The following ODAD1 variants were observed in gnomAD, a reference collection of about 807,000 sequenced individuals.
The protein encoded by ODAD1 is outer dynein arm-docking complex subunit 1.
In ODAD1, 49 loss-of-function variants were observed where a neutral mutation model predicts 67.2. That is an observed-to-expected ratio of 0.73 (90% CI 0.58 to 0.92). The LOEUF is 0.92. Ranked by LOEUF, ODAD1 falls within the 40% of genes least tolerant of loss-of-function variation. The probability of loss-of-function intolerance (pLI) is 0.00; values close to 1 mark genes in which losing one functional copy is unlikely to be tolerated. For missense variants in ODAD1, 897 were observed against 953.7 expected, an observed-to-expected ratio of 0.94 and a Z score of 0.78; for synonymous variants, 345 against 393.7, an observed-to-expected ratio of 0.88 and a Z score of 1.46.
rs1291428185 is a variant in ODAD1 at position 48,313,448 on chromosome 19, C to CAAAAA, written c.361-1337_361-1333dup. On this transcript the variant is annotated intron_variant, in intron 5 of 15. Coordinates refer to ENST00000674294, the MANE Select transcript of ODAD1 (RefSeq NM_001364171.2). ...TCTCAAAAAAAAAAAAAAAAAAAAC[C>CAAAAA]AAAAAAAAACCTCACATGTTGAAGT... Among the ~76,000 whole-genome samples, 607 of 86,880 alleles carry CAAAAA rather than the reference C, an allele frequency of 7.0e-3. 60 individuals carry two copies. The highest frequency in any genetic ancestry group is 0.025 in the African/African-American group (482 of 19,462). The allele number at this position is 86,880 out of a possible 152,430, so 57.0% of individuals were successfully genotyped here. A position where few individuals can be genotyped will look rare whatever the true frequency, so the allele number is the denominator to read the frequency against.
At chr19:48,316,862 G>C (rs578179433) in intron 5 of ODAD1, among the ~76,000 whole-genome samples, 1 of 152,184 alleles carries the variant, frequency 6.6e-6, no homozygotes, top group Non-Finnish European at 1.5e-5. Flanking sequence ...AGCTGGGCTT[G>C]GTGGCACGTG....
intron 7 of ODAD1, among the ~76,000 whole-genome samples, chr19:48,310,318 G>A (rs1199089582): frequency 6.6e-6 from 1 of 152,026 alleles, no homozygotes; most frequent in Non-Finnish European, 1.5e-5. Context: ...AAATGTCAAC[G>A]TCATGGAGAA....
chr19:48,297,013 C>A lies in ODAD1; in HGVS notation c.2087G>T (p.Gly696Val), dbSNP rs1323372328. The A allele has an allele frequency of 6.2e-7, 1 of 1,609,906 alleles. No individual in the cohort carries two copies. Among genetic ancestry groups the A allele is most frequent in the South Asian group, 1.1e-5 (1 of 90,870 alleles). Residue 696 changes from glycine to valine, a missense_variant, in exon 16 of 16, where the codon GGC becomes GTC. Physicochemically the swap from Gly to Val is moderately radical, Grantham distance 109. Coordinates refer to ENST00000674294, the MANE Select transcript of ODAD1 (RefSeq NM_001364171.2). ...GTCTTTGCTGGTGGAGGAGCCCGGG[C>A]CAGTGCTGGAGGCAGGGCCGGTGCT... ...VSSTGPASST[G>V]PGSSTSKDSR... is the part of the protein sequence containing the mutation.
At chr19:48,313,607 G>A (rs1489988981) in intron 5 of ODAD1, among the ~76,000 whole-genome samples, 3 of 152,116 alleles carry the variant, frequency 2.0e-5, no homozygotes, top group Non-Finnish European at 4.4e-5. Flanking sequence ...AAATTGCTGG[G>A]TGTGGTGGCT....
intron 10 of ODAD1, chr19:48,303,364 G>A (rs867020170): frequency 4.9e-5 from 30 of 607,742 alleles, no homozygotes; most frequent in Middle Eastern, 4.3e-4. Context: ...AGATGCAGGC[G>A]GGGAGAACGG....
chr19:48,297,915 C>A (rs1385680632), intron 14 of ODAD1, 85 bp downstream of exon 14: 2 of 1,131,964 alleles, frequency 1.8e-6, no homozygotes, highest in Admixed American at 2.4e-5. Context: ...TCCCCAAAAG[C>A]CCCCCAAAAC....
intron 7 of ODAD1, among the ~76,000 whole-genome samples, chr19:48,310,649 A>C (rs1015021150): frequency 1.3e-5 from 2 of 152,222 alleles, no homozygotes; most frequent in African/African-American, 4.8e-5. Flanking sequence ...GCAAAACAAT[A>C]ATTACACACA....
intron 9 of ODAD1, 25 bp from the exon 10 acceptor site, chr19:48,303,809 C>A: frequency 1.3e-6 from 2 of 1,592,214 alleles, no homozygotes; most frequent in South Asian, 2.3e-5. Flanking sequence ...AACAGCAGGT[C>A]GGCCTCCTGG....
chr19:48,318,953 G>A, intron 3 of ODAD1, 141 bp from the exon 4 acceptor site: 1 of 616,076 alleles, frequency 1.6e-6, no homozygotes, highest in Non-Finnish European at 2.9e-6. Flanking sequence ...ACCCCTCTAG[G>A]AATGCACCTC....
intron 5 of ODAD1, among the ~76,000 whole-genome samples, chr19:48,312,647 C>T (rs1017047519): frequency 6.6e-6 from 1 of 151,994 alleles, no homozygotes; most frequent in Admixed American, 6.6e-5. Flanking sequence ...GAACTCCTGA[C>T]CTCAAGTGAT....
chr19:48,297,587 C>G lies in ODAD1; in HGVS notation c.1581+3G>C. The G allele has an allele frequency of 6.4e-7, 1 of 1,555,484 alleles. No homozygotes were observed. Among genetic ancestry groups the G allele is most frequent in the East Asian group, 2.3e-5 (1 of 44,340 alleles). On this transcript the variant is annotated splice_donor_region_variant and intron_variant, in intron 15 of 15. Coordinates refer to ENST00000674294, the MANE Select transcript of ODAD1 (RefSeq NM_001364171.2). Reference sequence around the variant, plus strand: ...GCCCCACCCCCGCAGGCCCCACTCTCACCAGCTTCTCCACTTGGCTCAGCA... The same window carrying G: ...GCCCCACCCCCGCAGGCCCCACTCTGACCAGCTTCTCCACTTGGCTCAGCA...
intron 6 of ODAD1, 29 bp downstream of exon 6, chr19:48,311,965 G>A (rs1424097630): frequency 6.5e-7 from 1 of 1,547,548 alleles, no homozygotes; most frequent in Admixed American, 2.0e-5. Context: ...GCACAATTCA[G>A]GTCGAGGGAC....
In ODAD1 at chr19:48,303,094, G is replaced by A. The variant is rs734498; in HGVS notation, c.990C>T (p.Ile330=). Residue 330 remains isoleucine (I), a splice_region_variant and synonymous_variant, in exon 11 of 16, where the codon ATC becomes ATT. Transcript: ENST00000674294. The stretch of plus-strand genomic sequence containing the variant: ...TGAACTCAGCAAAGTTGCGCTCCTC[G>A]ACTGGGAGAGTTGGGCAAGGCGGGG... ...PDLLVQKYLE[I]EERNFAEFNF... 5.6e-6 allele frequency: 9 copies of A among 1,612,850 alleles called. No homozygotes were observed. The highest frequency in any genetic ancestry group is 5.3e-5 in the African/African-American group (4 of 74,912).
rs1328452510 is a variant in ODAD1 at position 48,303,656 on chromosome 19, G to C, written c.982C>G (p.Leu328Val). The change falls in exon 10 of 16, where the codon CTG (leucine) becomes GTG (valine). Residue 328 changes from leucine to valine, a missense_variant. Transcript: ENST00000674294. Reference sequence around the variant, plus strand: ...CACCCAGGGCCCCACTCACTCTCCAGATACTTCTGCACCAACAGGTCAGGG... The same window carrying C: ...CACCCAGGGCCCCACTCACTCTCCACATACTTCTGCACCAACAGGTCAGGG... Reference protein sequence around the residue: ...SDPDLLVQKYLEIEERNFAEF... With the variant: ...SDPDLLVQKYVEIEERNFAEF... 6.2e-7 allele frequency: 1 copy of C among 1,614,018 alleles called. No individual in the cohort carries two copies. The highest frequency in any genetic ancestry group is 1.7e-5 in the Admixed American group (1 of 59,988).
At chr19:48,320,129 T>C in intron 3 of ODAD1, 170 bp downstream of exon 3, 1 of 977,970 alleles carries the variant, frequency 1.0e-6, no homozygotes, top group Non-Finnish European at 1.3e-6. Flanking sequence ...CTGCCCAGGC[T>C]TGGCCCACCC....
chr19:48,310,191 G>A (rs1024424202), intron 7 of ODAD1, among the ~76,000 whole-genome samples: 35 of 152,124 alleles, frequency 2.3e-4, no homozygotes, highest in African/African-American at 8.2e-4. Flanking sequence ...CCAAGATCAC[G>A]CCATTACACT....
At chr19:48,321,272 G>A (rs1569014281) in intron 1 of ODAD1, among the ~76,000 whole-genome samples, 2 of 152,206 alleles carry the variant, frequency 1.3e-5, no homozygotes, top group Admixed American at 6.5e-5. Flanking sequence ...AAACTGATGG[G>A]CGGCGAGGTC....
At chr19:48,306,352 C>T in intron 7 of ODAD1, 29 bp from the exon 8 acceptor site, 1 of 1,531,228 alleles carries the variant, frequency 6.5e-7, no homozygotes, top group Non-Finnish European at 8.9e-7. Context: ...AAAATCAGTG[C>T]CACTTCTTAC....
At chr19:48,316,379 A>G (rs1314517750) in intron 5 of ODAD1, among the ~76,000 whole-genome samples, 1 of 149,384 alleles carries the variant, frequency 6.7e-6, no homozygotes, top group Admixed American at 6.7e-5. Context: ...GACTTCGTCA[A>G]AAAAAAAAAA....
Sources: allele counts gnomAD v4.1 joint callset (sites outside exome capture counted in the v4.1 genomes callset), GRCh38; gene constraint gnomAD v4.1.1; transcripts MANE v1.5; gene names NCBI Gene and HGNC (gene_info 2026-07-23, HGNC 2026-07-21).